Variants in MACF1 observed in about 807,000 individuals in gnomAD.
The protein encoded by MACF1 is microtubule-actin cross-linking factor 1.
Under a neutral mutation model 854.8 loss-of-function variants are expected in MACF1, and 193 were observed. The observed-to-expected ratio is 0.23, with a 90% CI of 0.20 to 0.25. The LOEUF (loss-of-function observed/expected upper bound fraction) is 0.25. Ranked by LOEUF, MACF1 falls within the 10% of genes least tolerant of loss-of-function variation. MACF1 has a pLI of 1.00. For synonymous variants in MACF1, 3,185 were observed against 3,226.7 expected (o/e 0.99, Z 0.44); for missense variants, 7,722 against 8,929.1 (o/e 0.86, Z 5.45).
chr1:39,414,339 T>C (rs1027673422), intron 58 of MACF1: 13 of 1,614,020 alleles, frequency 8.1e-6, no homozygotes, highest in Non-Finnish European at 1.1e-5. Flanking sequence ...GAACACCTGT[T>C]CTAGAGGAGG....
In MACF1 at chr1:39,412,002, C is replaced by T. The variant is rs772326381; in HGVS notation, c.15817-10372C>T. 7 of 1,613,848 alleles carry T rather than the reference C, an allele frequency of 4.3e-6. No homozygotes were observed. The East Asian group carries it at 8.9e-5, about 21-fold the overall frequency. ...AATGTGAAAAAGTGCCTTTTAGCCCCAGGACTGCAGAATTTAAGTCCAGAC... is the reference window on the plus strand; with the variant it reads ...AATGTGAAAAAGTGCCTTTTAGCCCTAGGACTGCAGAATTTAAGTCCAGAC... On this transcript the variant is annotated intron_variant, in intron 58 of 100. Coordinates refer to ENST00000564288, the MANE Select transcript of MACF1 (RefSeq NM_001394062.1).
intron 73 of MACF1, 23 bp downstream of exon 73, chr1:39,441,148 C>T (rs986287749): frequency 1.2e-6 from 2 of 1,614,106 alleles, no homozygotes; most frequent in South Asian, 2.2e-5. Flanking sequence ...GGATGAGGCA[C>T]TCAGTTAGAA....
intron 97 of MACF1, among the ~76,000 whole-genome samples, chr1:39,475,709 A>G (rs534018351): frequency 5.3e-5 from 8 of 152,266 alleles, no homozygotes; most frequent in South Asian, 2.1e-4. Flanking sequence ...CGTTGGTGCC[A>G]GGGTTTTGGT....
chr1:39,415,204 A>G (rs1643242560), intron 58 of MACF1, among the ~76,000 whole-genome samples: 2 of 152,218 alleles, frequency 1.3e-5, no homozygotes, highest in African/African-American at 4.8e-5. Flanking sequence ...TATTTTAGTC[A>G]TCTTTGTCAA....
intron 1 of MACF1, among the ~76,000 whole-genome samples, chr1:39,218,479 C>T (rs970851525): frequency 2.0e-5 from 3 of 151,980 alleles, no homozygotes; most frequent in Non-Finnish European, 4.4e-5. Flanking sequence ...TCTCTCTGGG[C>T]CTTGGTTTCT....
Position 39,439,459 on chromosome 1 carries a change from A to G in MACF1, c.18406A>G (p.Ile6136Val). Residue 6136 changes from isoleucine (I) to valine (V), a missense_variant, in exon 72 of 101, where the codon ATT becomes GTT. By Grantham distance (29) the Ile-to-Val change is conservative (BLOSUM62 3). This residue lies in a region of MACF1 where 2,807 missense variants were observed against 3,235.8 expected (regional missense o/e 0.87). Transcript: ENST00000564288. ...TGTCCATGACTTGGAAAGCCCAGGC[A>G]TTGATCCTTCCATCATCAAACAACA... ...DIVHDLESPG[I>V]DPSIIKQQVE... The G allele has an allele frequency of 6.2e-7, 1 of 1,614,246 alleles. No homozygotes were observed. Among genetic ancestry groups the G allele is most frequent in the African/African-American group, 1.3e-5 (1 of 75,076 alleles).
Position 39,285,630 on chromosome 1 carries a change from ACCG to A in MACF1, c.1381_1383del (p.Pro461del). The A allele has an allele frequency of 1.2e-6, 2 of 1,614,024 alleles. No individual in the cohort carries two copies. The highest frequency in any genetic ancestry group is 1.7e-6 in the Non-Finnish European group (2 of 1,179,998). On this transcript the variant is annotated inframe_deletion, in exon 14 of 101. Transcript: ENST00000564288. ...ATGCTGCTCACCTGGAATCAGGACAACCGGTACAATGTGAGTCAGATGTCATTA... is the reference window on the plus strand; with the variant it reads ...ATGCTGCTCACCTGGAATCAGGACAAGTACAATGTGAGTCAGATGTCATTA...
intron 38 of MACF1, among the ~76,000 whole-genome samples, chr1:39,340,049 G>C (rs1571360486): frequency 1.3e-5 from 2 of 152,166 alleles, no homozygotes; most frequent in Admixed American, 1.3e-4. Flanking sequence ...GTATTCTTTG[G>C]TTCCATGACC....
chr1:39,137,152 C>A (rs1192066420), intron 2 of MACF1, among the ~76,000 whole-genome samples: 1 of 152,192 alleles, frequency 6.6e-6, no homozygotes, highest in Non-Finnish European at 1.5e-5. Context: ...TCACTGCAAC[C>A]ACCACCTCCC....
At position 39,460,553 on chromosome 1, in the gene MACF1, C is replaced by G; in HGVS notation, c.21361-79C>G. On this transcript the variant is annotated intron_variant, in intron 91 of 100. Transcript: ENST00000564288. The surrounding 1 kb of genome is among the most constrained non-coding windows in gnomAD (Gnocchi z 4.1). ...CTGGAAGCATGGCTTTACTGAATGT[C>G]TGAAAGTTTGGGTATGCTCTGGGCA... 1 of 1,258,512 alleles carries G rather than the reference C, an allele frequency of 7.9e-7. No homozygotes were observed. The highest frequency in any genetic ancestry group is 1.1e-6 in the Non-Finnish European group (1 of 870,336). The allele number at this position is 1,258,512 out of a possible 1,614,324, so 78.0% of individuals were successfully genotyped here.
At chr1:39,430,943 G>A (rs1381549482) in intron 66 of MACF1, 35 bp downstream of exon 66, 1 of 1,566,708 alleles carries the variant, frequency 6.4e-7, no homozygotes, top group Non-Finnish European at 8.8e-7. Context: ...TAATATTTTA[G>A]ACAGTATTGA....
At chr1:39,201,669 C>A (rs1297994956), upstream of MACF1, among the ~76,000 whole-genome samples, 1 of 151,720 alleles carries the variant, frequency 6.6e-6, no homozygotes, top group Admixed American at 6.6e-5. Context: ...CCTTTTAAAA[C>A]CTAAGTTAAA....
chr1:39,300,456 A>T, intron 22 of MACF1, 94 bp downstream of exon 22: 1 of 1,269,136 alleles, frequency 7.9e-7, no homozygotes, highest in Non-Finnish European at 1.1e-6. Flanking sequence ...AGATCAAATT[A>T]CAGCGTTTTT....
chr1:39,478,529 C>G (rs952485244), intron 97 of MACF1, among the ~76,000 whole-genome samples: 6 of 152,118 alleles, frequency 3.9e-5, no homozygotes, highest in African/African-American at 1.4e-4. Flanking sequence ...GTTTTGGTAT[C>G]CAAGTGAGTG....
At chr1:39,397,552 C>T (rs1642320955) in intron 58 of MACF1, among the ~76,000 whole-genome samples, 1 of 151,000 alleles carries the variant, frequency 6.6e-6, no homozygotes, top group African/African-American at 2.4e-5. Flanking sequence ...ACGAGCGAAA[C>T]TTCGTTCCAA....
intron 2 of MACF1, among the ~76,000 whole-genome samples, chr1:39,150,913 C>T (rs1485772067): frequency 1.3e-5 from 2 of 152,208 alleles, no homozygotes; most frequent in African/African-American, 4.8e-5. Flanking sequence ...CCTTGGCACT[C>T]TACATAGTTT....
At chr1:39,289,693 C>CTTTTTTT (rs58188740) in intron 15 of MACF1, among the ~76,000 whole-genome samples, 1,028 of 28,966 alleles carry the variant, frequency 0.035, 404 homozygotes, top group Middle Eastern at 0.1. Context: ...GTGGGTTGTC[C>CTTTTTTT]TTTTTTTTTT....
In MACF1 at chr1:39,176,109, CAAAAAA is replaced by C. The variant is rs773763271; in HGVS notation, c.221-55060_221-55055del. 2.3e-4 allele frequency among the ~76,000 whole-genome samples: 3 copies of C among 13,324 alleles called. 1 individual carries two copies. Among genetic ancestry groups the C allele is most frequent in the Non-Finnish European group, 5.7e-4 (2 of 3,536 alleles). The allele number at this position is 13,324 out of a possible 152,430, so 8.7% of individuals were successfully genotyped here. A position where few individuals can be genotyped will look rare whatever the true frequency, so the allele number is the denominator to read the frequency against. On this transcript the variant is annotated intron_variant, in intron 2 of 93. Coordinates refer to the MACF1 transcript ENST00000361689. ...TGGGCGACAGAGCGAGACTCCTTCT[CAAAAAA>C]AAAAAAAAAAAAGCCAGGTGTGGTG...
At chr1:39,356,431 G>A (rs1051169657) in intron 44 of MACF1, among the ~76,000 whole-genome samples, 1 of 150,960 alleles carries the variant, frequency 6.6e-6, no homozygotes, top group African/African-American at 2.4e-5. Flanking sequence ...GGAGTGCAGT[G>A]GCAGGGTCTT....
Sources: allele counts gnomAD v4.1 joint callset (sites outside exome capture counted in the v4.1 genomes callset), GRCh38; gene constraint gnomAD v4.1.1; regional missense constraint gnomAD v4.1.1; non-coding constraint Gnocchi (gnomAD v3.1); transcripts MANE v1.5; gene names NCBI Gene and HGNC (gene_info 2026-07-23, HGNC 2026-07-21).